EFCAB5: variants seen among roughly 807,000 people sequenced by gnomAD.
EFCAB5 encodes EF-hand calcium binding domain 5.
EFCAB5 carries 131 observed loss-of-function variants against 167.9 expected under a neutral mutation model. The ratio of observed to expected loss-of-function variants is 0.78; its 90% CI spans 0.68 to 0.90. The LOEUF (loss-of-function observed/expected upper bound fraction) is 0.90, where lower values mean the gene tolerates loss of function less well. Among genes scored for constraint, EFCAB5 ranks in the 40% least tolerant of loss-of-function variants. The pLI is 0.00. For missense variants in EFCAB5, 1,663 were observed against 1,745.2 expected (o/e 0.95, Z 0.84); for synonymous variants, 574 against 602.8 (o/e 0.95, Z 0.70).
At chr17:29,955,539 T>C (rs2067597556) in intron 3 of EFCAB5, among the ~76,000 whole-genome samples, 2 of 152,150 alleles carry the variant, frequency 1.3e-5, no homozygotes, top group South Asian at 4.1e-4. Context: ...CCCTTAATTT[T>C]TTTTTTCTTT....
Position 30,080,871 on chromosome 17 carries a change from C to G in EFCAB5, c.3316C>G (p.Leu1106Val). 6.2e-7 allele frequency: 1 copy of G among 1,613,886 alleles called. No individual in the cohort carries two copies. The highest frequency in any genetic ancestry group is 8.5e-7 in the Non-Finnish European group (1 of 1,179,836). Reference protein sequence around the residue: ...KHDYNGSFLALPLQDAYMRIF... With the variant: ...KHDYNGSFLAVPLQDAYMRIF... ...TGATTATAATGGTTCATTCCTGGCT[C>G]TGCCTCTTCAAGATGCATATATGAG... is the stretch of plus-strand genomic sequence containing the variant. The change falls in exon 17 of 23, where the codon CTG becomes GTG. Residue 1106 changes from leucine to valine, a missense_variant. Leu to Val is a conservative substitution (Grantham distance 32, BLOSUM62 1). Coordinates refer to ENST00000394835, the MANE Select transcript of EFCAB5 (RefSeq NM_198529.4).
chr17:29,989,841 G>A (rs557707324), intron 4 of EFCAB5, among the ~76,000 whole-genome samples: 16 of 152,252 alleles, frequency 1.1e-4, no homozygotes, highest in South Asian at 1.0e-3. Context: ...AAAGGTATAG[G>A]TTCTGGAGGC....
chr17:30,023,236 C>T (rs1189396144), intron 7 of EFCAB5, among the ~76,000 whole-genome samples: 4 of 152,084 alleles, frequency 2.6e-5, no homozygotes, highest in Non-Finnish European at 5.9e-5. Flanking sequence ...ATTAATGAAT[C>T]CAGGAGCTGG....
At chr17:29,933,081 CAA>C (rs1359417784) in intron 1 of EFCAB5, among the ~76,000 whole-genome samples, 1 of 152,238 alleles carries the variant, frequency 6.6e-6, no homozygotes, top group Non-Finnish European at 1.5e-5. Flanking sequence ...AAGAACAAGA[CAA>C]ATGTTTATCT....
upstream of EFCAB5, among the ~76,000 whole-genome samples, chr17:29,938,145 T>G (rs1469883452): frequency 3.9e-5 from 6 of 152,176 alleles, no homozygotes; most frequent in African/African-American, 9.7e-5. Context: ...ATTTTGGGTT[T>G]GGTTCCAGAC....
intron 22 of EFCAB5, among the ~76,000 whole-genome samples, chr17:30,103,215 A>T (rs1448970500): frequency 2.0e-5 from 3 of 147,978 alleles, no homozygotes; most frequent in South Asian, 2.1e-4. Context: ...TAATTTATAA[A>T]TATATATATT....
chr17:30,022,557 G>C (rs775537785), intron 7 of EFCAB5, among the ~76,000 whole-genome samples: 6 of 152,002 alleles, frequency 3.9e-5, no homozygotes, highest in Non-Finnish European at 8.8e-5. Flanking sequence ...ACTTCAGCAG[G>C]GTGGGTTAAG....
chr17:29,968,472 T>G (rs753422594), intron 3 of EFCAB5: 179 of 355,818 alleles, frequency 5.0e-4, no homozygotes, highest in Non-Finnish European at 8.6e-4. Flanking sequence ...TATGCTTTTT[T>G]GCTGTGAGGA....
chr17:30,066,376 T>C (rs1438271166), intron 14 of EFCAB5, among the ~76,000 whole-genome samples: 4 of 152,134 alleles, frequency 2.6e-5, no homozygotes, highest in Non-Finnish European at 5.9e-5. Flanking sequence ...AATTTAAAAT[T>C]TTTTTTGAAT....
intron 20 of EFCAB5, among the ~76,000 whole-genome samples, chr17:30,091,302 G>A (rs180803400): frequency 1.7e-3 from 259 of 152,346 alleles, no homozygotes; most frequent in Non-Finnish European, 3.1e-3. Flanking sequence ...CTGGAGAGAG[G>A]GAGGGAGGAA....
At chr17:30,061,784 T>C (rs1235897026) in intron 14 of EFCAB5, among the ~76,000 whole-genome samples, 1 of 152,128 alleles carries the variant, frequency 6.6e-6, no homozygotes, top group Admixed American at 6.5e-5. Flanking sequence ...CCCAGGCTAG[T>C]CTTGAAGTCC....
intron 4 of EFCAB5, among the ~76,000 whole-genome samples, chr17:29,976,976 T>C (rs2068074961): frequency 1.3e-5 from 2 of 152,184 alleles, no homozygotes; most frequent in South Asian, 4.1e-4. Flanking sequence ...AATTTACTAC[T>C]TTTCATTGGG....
chr17:29,952,655 T>C (rs768739468), intron 3 of EFCAB5, among the ~76,000 whole-genome samples: 1 of 152,068 alleles, frequency 6.6e-6, no homozygotes, highest in African/African-American at 2.4e-5. Flanking sequence ...AGAATATATA[T>C]AGTATGAAAT....
At chr17:30,073,871 G>A in intron 14 of EFCAB5, 1 of 364,694 alleles carries the variant, frequency 2.7e-6, no homozygotes, top group Non-Finnish European at 5.1e-6. Context: ...GATCAGCCTG[G>A]GTAACATTGC....
chr17:30,047,948 T>A (rs1180130336), intron 8 of EFCAB5, among the ~76,000 whole-genome samples: 1 of 152,204 alleles, frequency 6.6e-6, no homozygotes. Flanking sequence ...GATTTTACTC[T>A]AGGCTTTACT....
At chr17:30,039,846 T>A (rs2069721331) in intron 8 of EFCAB5, among the ~76,000 whole-genome samples, 1 of 152,182 alleles carries the variant, frequency 6.6e-6, no homozygotes, top group African/African-American at 2.4e-5. Flanking sequence ...TGCTTTGTTC[T>A]CCCTTCTCCA....
chr17:29,939,122 G>C (rs957666363), upstream of EFCAB5, among the ~76,000 whole-genome samples: 3 of 152,174 alleles, frequency 2.0e-5, no homozygotes, highest in African/African-American at 7.2e-5. Flanking sequence ...TGTGTTGACA[G>C]GCGTGGGAAC....
rs1318466633 is a variant in EFCAB5, at chr17:30,053,307, G to A, written c.1353G>A (p.Met451Ile). Residue 451 changes from methionine to isoleucine, a missense_variant, in exon 10 of 23, where the codon ATG becomes ATA. By Grantham distance (10) the Met-to-Ile change is conservative. Transcript: ENST00000394835. ...ACTTGACTGAGTTGTGGGGAGACAT[G>A]GATAATCAGAAACACATTTATGAAG... is the stretch of plus-strand genomic sequence containing the variant. The part of the protein sequence containing the change: ...EINLTELWGD[M>I]DNQKHIYEGF... 2.5e-6 allele frequency: 4 copies of A among 1,613,386 alleles called. No homozygotes were observed. In the South Asian group the frequency reaches 3.3e-5, roughly 13 times the overall value.
At chr17:30,083,070 C>A in intron 18 of EFCAB5, 27 bp downstream of exon 18, 1 of 1,609,820 alleles carries the variant, frequency 6.2e-7, no homozygotes. Context: ...AGTGGTAGAT[C>A]TCTCCAAGGT....
Sources: allele counts gnomAD v4.1 joint callset (sites outside exome capture counted in the v4.1 genomes callset), GRCh38; gene constraint gnomAD v4.1.1; transcripts MANE v1.5; gene names NCBI Gene and HGNC (gene_info 2026-07-23, HGNC 2026-07-21).